Variants in ZNF141 observed in about 807,000 individuals in gnomAD.
The protein encoded by ZNF141 is zinc finger protein 141, also known as zinc finger protein 141 (clone pHZ-44).
Under a neutral mutation model 11.3 loss-of-function variants are expected in ZNF141, and 7 were observed. The ratio of observed to expected loss-of-function variants is 0.62; its 90% CI spans 0.35 to 1.16. The LOEUF (loss-of-function observed/expected upper bound fraction) is 1.16, where lower values mean the gene tolerates loss of function less well. Among genes scored for constraint, ZNF141 ranks in the 50% most tolerant of loss-of-function variants. The pLI is 0.02. For synonymous variants in ZNF141, 183 were observed against 190.7 expected, an observed-to-expected ratio of 0.96 and a Z score of 0.33; for missense variants, 535 against 554.0, an observed-to-expected ratio of 0.97 and a Z score of 0.34.
intron 1 of ZNF141, among the ~76,000 whole-genome samples, chr4:343,498 G>T (rs545279711): frequency 6.6e-6 from 1 of 152,112 alleles, no homozygotes; most frequent in Admixed American, 6.5e-5. Context: ...GGCCGAGGAG[G>T]GCGGATCACA....
At chr4:350,962 G>A (rs1358675776) in intron 3 of ZNF141, among the ~76,000 whole-genome samples, 47 of 151,314 alleles carry the variant, frequency 3.1e-4, no homozygotes, top group Admixed American at 2.2e-3. Flanking sequence ...TGTTAGCCAG[G>A]ATGGTTTGGA....
rs1178150922 is a variant in ZNF141, at chr4:378,995, C to G, written c.*5133C>G. 6.6e-6 allele frequency among the ~76,000 whole-genome samples: 1 copy of G among 151,788 alleles called. No homozygotes were observed. Among genetic ancestry groups the G allele is most frequent in the Non-Finnish European group, 1.5e-5 (1 of 67,960 alleles). On this transcript the variant is annotated 3_prime_UTR_variant, in exon 4 of 4. Transcript: ENST00000240499. ...AAGTAGCTGGGATTACAGGTGCCCA[C>G]CACCACACCCAGCTAATTTTTGTAT...
intron 3 of ZNF141, among the ~76,000 whole-genome samples, chr4:360,313 ATAAAG>A (rs1722049356): frequency 6.6e-6 from 1 of 152,354 alleles, no homozygotes; most frequent in Non-Finnish European, 1.5e-5. Context: ...AATTTCTGAA[ATAAAG>A]TACTCAGATT....
intron 3 of ZNF141, among the ~76,000 whole-genome samples, chr4:369,764 A>ATGTTTTTTTTTTTTTTTT: frequency 4.1e-5 from 2 of 48,742 alleles, no homozygotes; most frequent in Non-Finnish European, 6.2e-5. Flanking sequence ...ATATATATAT[A>ATGTTTTTTTTTTTTTTTT]TTTTTTTTTT....
At chr4:354,485 C>G (rs918856255) in intron 3 of ZNF141, among the ~76,000 whole-genome samples, 1 of 152,110 alleles carries the variant, frequency 6.6e-6, no homozygotes, top group South Asian at 2.1e-4. Flanking sequence ...TTTCTTAAAA[C>G]CTTTGATTTA....
chr4:344,575 C>A (rs113399189), intron 3 of ZNF141, 145 bp downstream of exon 3: 2 of 553,150 alleles, frequency 3.6e-6, no homozygotes, highest in East Asian at 7.6e-5. Context: ...GCAGGCGGAT[C>A]ACGAGGTCAA....
rs1478632236 is a variant in ZNF141, at chr4:377,254, A to G, written c.*3392A>G. On this transcript the variant is annotated 3_prime_UTR_variant, in exon 4 of 4. Coordinates refer to ENST00000240499, the MANE Select transcript of ZNF141 (RefSeq NM_003441.4). Reference sequence around the variant, plus strand: ...GATGTTTTGATCTATTATTGTAGTGAACAAACAAAGTTCTGGGTGTGTAAT... The same window carrying G: ...GATGTTTTGATCTATTATTGTAGTGGACAAACAAAGTTCTGGGTGTGTAAT... 6.6e-6 allele frequency among the ~76,000 whole-genome samples: 1 copy of G among 152,128 alleles called. No homozygotes were observed. The highest frequency in any genetic ancestry group is 2.4e-5 in the African/African-American group (1 of 41,442).
At chr4:369,752 ATATATATATATATT>A (rs1560196733) in intron 3 of ZNF141, among the ~76,000 whole-genome samples, 6 of 36,666 alleles carry the variant, frequency 1.6e-4, no homozygotes, top group African/African-American at 6.2e-4. Context: ...ATATATATAT[ATATATATATATATT>A]TTTTTTTTTT....
rs1251635045 is a variant in ZNF141, at chr4:376,561, A to G, written c.*2699A>G. Among the ~76,000 whole-genome samples the G allele has an allele frequency of 6.6e-6, 1 of 152,084 alleles. No individual in the cohort carries two copies. Among genetic ancestry groups the G allele is most frequent in the Non-Finnish European group, 1.5e-5 (1 of 67,938 alleles). ...ATTTATGCATCCTGAATACTTCTAAAAAATGTTTTACATTTCTCTTTGAAC... is the reference window on the plus strand; with the variant it reads ...ATTTATGCATCCTGAATACTTCTAAGAAATGTTTTACATTTCTCTTTGAAC... On this transcript the variant is annotated 3_prime_UTR_variant, in exon 4 of 4. Transcript: ENST00000240499.
At chr4:350,849 C>G (rs559502934) in intron 3 of ZNF141, among the ~76,000 whole-genome samples, 1 of 152,004 alleles carries the variant, frequency 6.6e-6, no homozygotes, top group African/African-American at 2.4e-5. Flanking sequence ...ATGCCATTCT[C>G]CTGCCTCAAC....
At chr4:368,503 A>G (rs1409202593) in intron 3 of ZNF141, among the ~76,000 whole-genome samples, 1 of 152,154 alleles carries the variant, frequency 6.6e-6, no homozygotes, top group African/African-American at 2.4e-5. Context: ...CGGCCTCCCA[A>G]ACTGCTGGGA....
chr4:341,902 G>A (rs188378181), intron 1 of ZNF141, among the ~76,000 whole-genome samples: 1 of 152,264 alleles, frequency 6.6e-6, no homozygotes, highest in Admixed American at 6.5e-5. Flanking sequence ...AATGTTTCTA[G>A]AGACATCCCA....
intron 3 of ZNF141, among the ~76,000 whole-genome samples, chr4:346,971 A>ATTTTATTTCC (rs1297798803): frequency 6.7e-6 from 1 of 149,546 alleles, no homozygotes; most frequent in East Asian, 1.9e-4. Context: ...TGAGGTACTA[A>ATTTTATTTCC]TTTTATTTCC....
chr4:364,037 A>G (rs1186380948), intron 3 of ZNF141, among the ~76,000 whole-genome samples: 2 of 152,164 alleles, frequency 1.3e-5, no homozygotes, highest in Non-Finnish European at 2.9e-5. Context: ...CCCTGGGATG[A>G]AGCCGAGTTG....
At position 337,867 on chromosome 4, in the gene ZNF141, G is replaced by C; in HGVS notation, c.-117G>C. 3 of 1,375,116 alleles carry C rather than the reference G, an allele frequency of 2.2e-6. No homozygotes were observed. The highest frequency in any genetic ancestry group is 2.4e-5 in the East Asian group (1 of 41,012). The allele number at this position is 1,375,116 out of a possible 1,614,324, so 85.2% of individuals were successfully genotyped here. A position where few individuals can be genotyped will look rare whatever the true frequency, so the allele number is the denominator to read the frequency against. On this transcript the variant is annotated 5_prime_UTR_variant, in exon 1 of 4. Coordinates refer to ENST00000240499, the MANE Select transcript of ZNF141 (RefSeq NM_003441.4). ...CGGGTTAGGGGCTTCATCTCTCTGC[G>C]TTCTCAGTTGTGGGAGGCCTTGGTG...
intron 1 of ZNF141, among the ~76,000 whole-genome samples, chr4:341,081 T>C (rs1374206771): frequency 1.3e-5 from 2 of 152,110 alleles, no homozygotes; most frequent in African/African-American, 4.8e-5. Context: ...TCTTTTTTTT[T>C]TTTTTGAGAC....
At position 376,539 on chromosome 4, in the gene ZNF141, T is replaced by A. The variant is rs189432301; in HGVS notation, c.*2677T>A. The stretch of plus-strand genomic sequence containing the variant: ...TCAGTATAATTATAATTCATACATT[T>A]ATGCATCCTGAATACTTCTAAAAAA... On this transcript the variant is annotated 3_prime_UTR_variant, in exon 4 of 4. Coordinates refer to ENST00000240499, the MANE Select transcript of ZNF141 (RefSeq NM_003441.4). Among the ~76,000 whole-genome samples the A allele has an allele frequency of 1.5e-4, 23 of 152,254 alleles. No homozygotes were observed. In the East Asian group the frequency reaches 4.4e-3, roughly 29 times the overall value.
Position 374,150 on chromosome 4 carries a change from C to A in ZNF141, c.*288C>A. 1 of 427,638 alleles carries A rather than the reference C, an allele frequency of 2.3e-6. No homozygotes were observed. The allele number at this position is 427,638 out of a possible 1,614,324, so 26.5% of individuals were successfully genotyped here. On this transcript the variant is annotated 3_prime_UTR_variant, in exon 4 of 4. Transcript: ENST00000240499. Reference sequence around the variant, plus strand: ...GCAAATGTAAAGAGTGTAACAAAACCTTTAAACAGCCCTCACCGGTGAATA... The same window carrying A: ...GCAAATGTAAAGAGTGTAACAAAACATTTAAACAGCCCTCACCGGTGAATA...
In ZNF141 at chr4:384,670, C is replaced by T. The variant is rs1410856020; in HGVS notation, c.*10808C>T. On this transcript the variant is annotated 3_prime_UTR_variant, in exon 4 of 4. Transcript: ENST00000240499. ...ATAACCAAGATGGAGTCACTGTGGT[C>T]AACTCCAGGCATGCACAGATACAAC... 1 of 152,118 alleles carries T rather than the reference C, an allele frequency of 6.6e-6. No individual in the cohort carries two copies. Among genetic ancestry groups the T allele is most frequent in the Non-Finnish European group, 1.5e-5 (1 of 68,044 alleles). 9.4% of individuals were successfully genotyped at this position (152,118 alleles called of 1,614,324 possible).
Sources: allele counts gnomAD v4.1 joint callset (sites outside exome capture counted in the v4.1 genomes callset), GRCh38; gene constraint gnomAD v4.1.1; transcripts MANE v1.5; gene names NCBI Gene and HGNC (gene_info 2026-07-23, HGNC 2026-07-21).